Variants in TTYH3 observed in about 807,000 individuals in gnomAD.
TTYH3 encodes the protein protein tweety homolog 3.
TTYH3 carries 23 observed loss-of-function variants against 68.2 expected under a neutral mutation model. The observed-to-expected ratio is 0.34, with a 90% CI of 0.24 to 0.48. TTYH3 has a LOEUF of 0.48. Ranked by LOEUF, TTYH3 falls within the 20% of genes least tolerant of loss-of-function variation. TTYH3 has a pLI of 0.99. For synonymous variants in TTYH3, 360 were observed against 332.8 expected (o/e 1.08, Z -0.89); for missense variants, 768 against 727.7 (o/e 1.06, Z -0.64).
intron 9 of TTYH3, among the ~76,000 whole-genome samples, chr7:2,655,615 G>A (rs1003055768): frequency 6.6e-6 from 1 of 152,256 alleles, no homozygotes; most frequent in Non-Finnish European, 1.5e-5. Flanking sequence ...AGGTGCACAC[G>A]CATGCACACA....
chr7:2,653,740 G>C (rs758574830), intron 9 of TTYH3, among the ~76,000 whole-genome samples: 5 of 152,206 alleles, frequency 3.3e-5, no homozygotes, highest in Non-Finnish European at 7.3e-5. Context: ...GTACACGCCT[G>C]TAATCCCAGC....
At position 2,647,122 on chromosome 7, in the gene TTYH3, C is replaced by T. The variant is rs1471186028; in HGVS notation, c.294-20C>T. On this transcript the variant is annotated intron_variant, in intron 2 of 13. Coordinates refer to ENST00000258796, the MANE Select transcript of TTYH3 (RefSeq NM_025250.3). Reference sequence around the variant, plus strand: ...TGTGTGGGTGGGCGGGGCTACATCTCACGGGCCCGCCCTCTCCAGCGCCGG... The same window carrying T: ...TGTGTGGGTGGGCGGGGCTACATCTTACGGGCCCGCCCTCTCCAGCGCCGG... The T allele has an allele frequency of 4.4e-6, 7 of 1,580,118 alleles. No homozygotes were observed. The African/African-American group carries it at 5.4e-5, about 12-fold the overall frequency.
chr7:2,636,570 T>C (rs940992), intron 1 of TTYH3, among the ~76,000 whole-genome samples: 98,814 of 152,112 alleles, frequency 0.65, 33,199 homozygotes, highest in African/African-American at 0.82. Context: ...GGGAGCTGGG[T>C]GGAAGCTTCA....
chr7:2,633,161 C>T (rs1785566849), intron 1 of TTYH3, among the ~76,000 whole-genome samples: 1 of 152,196 alleles, frequency 6.6e-6, no homozygotes, highest in Non-Finnish European at 1.5e-5. Context: ...CATTTCCTTC[C>T]TGCCTAGAGA....
At chr7:2,651,795 C>A (rs180962038) in intron 7 of TTYH3, among the ~76,000 whole-genome samples, 1 of 152,086 alleles carries the variant, frequency 6.6e-6, no homozygotes, top group African/African-American at 2.4e-5. Flanking sequence ...GTAAAGAGTT[C>A]GGAAGGTGGA....
rs1786035127 is a variant in TTYH3 at position 2,647,606 on chromosome 7, G to T, written c.594G>T (p.Leu198=). Residue 198 remains leucine, a synonymous_variant, in exon 4 of 14, where the codon CTG becomes CTT. Transcript: ENST00000258796. The part of the protein sequence containing the change: ...WRNTAVSLEV[L]AEQVDLYDWY... Reference sequence around the variant, plus strand: ...ACACGGCGGTGTCGCTGGAGGTGCTGGCGGAGCAGGTGGATCTCTACGACT... The same window carrying T: ...ACACGGCGGTGTCGCTGGAGGTGCTTGCGGAGCAGGTGGATCTCTACGACT... 6 of 1,573,566 alleles carry T rather than the reference G, an allele frequency of 3.8e-6. No homozygotes were observed. Among genetic ancestry groups the T allele is most frequent in the Non-Finnish European group, 4.3e-6 (5 of 1,160,524 alleles).
chr7:2,661,542 C>T (rs1786496763), intron 13 of TTYH3, 126 bp from the exon 14 acceptor site: 1 of 964,730 alleles, frequency 1.0e-6, no homozygotes, highest in Admixed American at 2.0e-5. Context: ...TGTCAGGGCA[C>T]CCTGTACTGT....
At chr7:2,651,327 G>A (rs1786170392) in intron 7 of TTYH3, among the ~76,000 whole-genome samples, 2 of 152,166 alleles carry the variant, frequency 1.3e-5, no homozygotes, top group African/African-American at 4.8e-5. Context: ...CTTTGTTGAA[G>A]GAACCACTTC....
At chr7:2,636,240 C>A (rs1163497556) in intron 1 of TTYH3, among the ~76,000 whole-genome samples, 1 of 152,246 alleles carries the variant, frequency 6.6e-6, no homozygotes, top group East Asian at 1.9e-4. Flanking sequence ...TCATCCTCCC[C>A]ACTCATCAGA....
chr7:2,648,615 G>A (rs1279463508), intron 5 of TTYH3: 1 of 153,206 alleles, frequency 6.5e-6, no homozygotes, highest in Non-Finnish European at 1.5e-5. Flanking sequence ...GCCTGGGAGA[G>A]ATGGGAGAAC....
At chr7:2,635,898 G>C (rs1408280574) in intron 1 of TTYH3, among the ~76,000 whole-genome samples, 1 of 152,248 alleles carries the variant, frequency 6.6e-6, no homozygotes, top group Non-Finnish European at 1.5e-5. Flanking sequence ...GGGAACGGCA[G>C]GTGCAAAGGC....
intron 5 of TTYH3, among the ~76,000 whole-genome samples, chr7:2,649,245 G>C (rs1032828174): frequency 6.6e-6 from 1 of 152,120 alleles, no homozygotes; most frequent in African/African-American, 2.4e-5. Context: ...GGCGGGATGC[G>C]GGGACCCACG....
intron 1 of TTYH3, 22 bp downstream of exon 1, chr7:2,632,300 C>T (rs377326639): frequency 2.2e-5 from 34 of 1,547,000 alleles, no homozygotes; most frequent in East Asian, 9.5e-5. Context: ...CTCTCGGGGT[C>T]GCGGGGTCAG....
At chr7:2,660,896 C>T (rs543671266) in intron 13 of TTYH3, among the ~76,000 whole-genome samples, 1 of 152,330 alleles carries the variant, frequency 6.6e-6, no homozygotes, top group East Asian at 1.9e-4. Context: ...TCTCTGTGAG[C>T]ACACACATGC....
intron 1 of TTYH3, among the ~76,000 whole-genome samples, chr7:2,637,058 C>T (rs1276731041): frequency 1.3e-5 from 2 of 152,118 alleles, no homozygotes; most frequent in African/African-American, 2.4e-5. Flanking sequence ...CTGATCTCCC[C>T]AGTTCTAGCA....
Position 2,645,611 on chromosome 7 carries a change from C to T in TTYH3, c.124-1242C>T, listed in dbSNP as rs943286557. On this transcript the variant is annotated intron_variant, in intron 1 of 13. Coordinates refer to ENST00000258796, the MANE Select transcript of TTYH3 (RefSeq NM_025250.3). The surrounding 1 kb of genome is among the most constrained non-coding windows in gnomAD (Gnocchi z 4.8). ...AGACAGGGCTGTGTGTCCGATGGGG[C>T]GCCTGTATGCAGCCTGTAGCAGTGT... 18 of 358,196 alleles carry T rather than the reference C, an allele frequency of 5.0e-5. No individual in the cohort carries two copies. The highest frequency in any genetic ancestry group is 3.9e-4 in the African/African-American group (18 of 46,544). 22.2% of individuals were successfully genotyped at this position (358,196 alleles called of 1,614,324 possible).
rs72570997 is a variant in TTYH3 at position 2,662,682 on chromosome 7, C to T, written c.*943C>T. The T allele has an allele frequency of 0.11, 16,593 of 152,766 alleles. 1,152 individuals carry two copies. The highest frequency in any genetic ancestry group is 0.35 in the East Asian group (1,826 of 5,202). The allele number at this position is 152,766 out of a possible 1,614,324, so 9.5% of individuals were successfully genotyped here. Reference sequence around the variant, plus strand: ...CCGGCCTGAGGGGCTGGACCCGAGCCGGCTGTGAACATCCCTCAGCCCCTG... The same window carrying T: ...CCGGCCTGAGGGGCTGGACCCGAGCTGGCTGTGAACATCCCTCAGCCCCTG... On this transcript the variant is annotated 3_prime_UTR_variant, in exon 14 of 14. Coordinates refer to ENST00000258796, the MANE Select transcript of TTYH3 (RefSeq NM_025250.3).
chr7:2,632,769 C>G (rs889957373), intron 1 of TTYH3, among the ~76,000 whole-genome samples: 5 of 152,266 alleles, frequency 3.3e-5, no homozygotes, highest in African/African-American at 1.2e-4. Flanking sequence ...GACTCCTCGC[C>G]CACTCACCCC....
intron 13 of TTYH3, chr7:2,659,819 G>A (rs1786441195): frequency 2.7e-5 from 33 of 1,200,852 alleles, no homozygotes; most frequent in African/African-American, 4.7e-5. Flanking sequence ...AGTCCCGCTC[G>A]GCTGCCCTCG....
Sources: allele counts gnomAD v4.1 joint callset (sites outside exome capture counted in the v4.1 genomes callset), GRCh38; gene constraint gnomAD v4.1.1; non-coding constraint Gnocchi (gnomAD v3.1); transcripts MANE v1.5; gene names NCBI Gene and HGNC (gene_info 2026-07-23, HGNC 2026-07-21).